VGLL4: variants seen among roughly 807,000 people sequenced by gnomAD.
VGLL4 encodes the protein transcription cofactor vestigial-like protein 4.
Under a neutral mutation model 21.0 loss-of-function variants are expected in VGLL4, and 7 were observed. The ratio of observed to expected loss-of-function variants is 0.33; its 90% CI spans 0.19 to 0.63. VGLL4 has a LOEUF of 0.63. Among genes scored for constraint, VGLL4 ranks in the 20% least tolerant of loss-of-function variants. VGLL4 has a pLI of 0.78. For synonymous variants in VGLL4, 222 were observed against 173.2 expected (o/e 1.28, Z -2.21); for missense variants, 394 against 425.7 (o/e 0.93, Z 0.66).
At chr3:11,585,914 A>ACC (rs1366133022) in intron 2 of VGLL4, among the ~76,000 whole-genome samples, 1 of 151,630 alleles carries the variant, frequency 6.6e-6, no homozygotes, top group Non-Finnish European at 1.5e-5. Flanking sequence ...TGGACAGGCG[A>ACC]CCCCCTGCCG....
chr3:11,578,555 C>G (rs1310208229), intron 2 of VGLL4, among the ~76,000 whole-genome samples: 1 of 150,732 alleles, frequency 6.6e-6, no homozygotes, highest in Non-Finnish European at 1.5e-5. Flanking sequence ...TGATTTTCCT[C>G]TTAAAGTTAC....
intron 1 of VGLL4, chr3:11,626,422 C>T: frequency 2.2e-6 from 1 of 456,834 alleles, no homozygotes; most frequent in Non-Finnish European, 4.4e-6. Context: ...CCTCTTATTA[C>T]TTCAAAGATA....
chr3:11,719,604 C>T lies in VGLL4; in HGVS notation c.-14+790G>A, dbSNP rs981550945. 2.6e-5 allele frequency: 4 copies of T among 152,124 alleles called. No homozygotes were observed. Among genetic ancestry groups the T allele is most frequent in the African/African-American group, 9.7e-5 (4 of 41,416 alleles). The allele number at this position is 152,124 out of a possible 1,614,324, so 9.4% of individuals were successfully genotyped here. A position where few individuals can be genotyped will look rare whatever the true frequency, so the allele number is the denominator to read the frequency against. ...ACGCACACGCACGCGCGGACCGGGCCGGCGGACGGGAGCGCGGGAGCGCGA... is the reference window on the plus strand; with the variant it reads ...ACGCACACGCACGCGCGGACCGGGCTGGCGGACGGGAGCGCGGGAGCGCGA... On this transcript the variant is annotated intron_variant, in intron 1 of 5. Transcript: ENST00000273038. This position sits in a 1 kb window ranked among gnomAD's most constrained non-coding sequence, Gnocchi z 4.0.
chr3:11,707,805 G>T (rs2076784037), intron 1 of VGLL4, among the ~76,000 whole-genome samples: 1 of 152,160 alleles, frequency 6.6e-6, no homozygotes, highest in Non-Finnish European at 1.5e-5. Flanking sequence ...GCTGCAGTGA[G>T]CTATGATCAC....
intron 2 of VGLL4, among the ~76,000 whole-genome samples, chr3:11,574,785 A>ATGTATGTGTGTGTGTGTGTG (rs1553723624): frequency 2.5e-5 from 3 of 121,696 alleles, no homozygotes; most frequent in African/African-American, 9.6e-5. Flanking sequence ...TCAACTATAT[A>ATGTATGTGTGTGTGTGTGTG]TGTGTGTGTG....
intron 2 of VGLL4, among the ~76,000 whole-genome samples, chr3:11,660,908 G>T (rs1326301801): frequency 6.6e-6 from 1 of 152,118 alleles, no homozygotes; most frequent in Non-Finnish European, 1.5e-5. Context: ...TTTCATTTCG[G>T]CCTTGTTTCC....
intron 3 of VGLL4, among the ~76,000 whole-genome samples, chr3:11,561,958 G>A (rs1380284360): frequency 1.4e-5 from 2 of 143,616 alleles, no homozygotes; most frequent in Non-Finnish European, 3.0e-5. Flanking sequence ...GGAGTGCAGT[G>A]ACGCGATCTT....
At chr3:11,679,428 T>C (rs1332576374) in intron 2 of VGLL4, among the ~76,000 whole-genome samples, 5 of 152,112 alleles carry the variant, frequency 3.3e-5, no homozygotes, top group Non-Finnish European at 7.3e-5. Flanking sequence ...CTCACGCCTG[T>C]AATTCCAGCA....
intron 2 of VGLL4, among the ~76,000 whole-genome samples, chr3:11,661,167 G>A (rs948741698): frequency 3.3e-5 from 5 of 152,206 alleles, no homozygotes; most frequent in South Asian, 2.1e-4. Context: ...TCTCTGAGGC[G>A]GCTGACTGCA....
intron 2 of VGLL4, among the ~76,000 whole-genome samples, chr3:11,593,901 A>C (rs2074568778): frequency 6.6e-6 from 1 of 152,198 alleles, no homozygotes; most frequent in Non-Finnish European, 1.5e-5. Flanking sequence ...TGTGGCAAAC[A>C]CAGCTGGATG....
chr3:11,563,898 C>T (rs990264013), intron 3 of VGLL4, among the ~76,000 whole-genome samples: 18 of 152,200 alleles, frequency 1.2e-4, no homozygotes, highest in Admixed American at 5.9e-4. Context: ...CTACCCCACC[C>T]ACAGTTTCAA....
chr3:11,558,871 C>T (rs1454034131), intron 4 of VGLL4, 44 bp from the exon 5 acceptor site: 4 of 1,598,308 alleles, frequency 2.5e-6, no homozygotes, highest in African/African-American at 1.3e-5. Context: ...CAGGTGGCTG[C>T]AGACAGACAG....
intron 2 of VGLL4, among the ~76,000 whole-genome samples, chr3:11,567,881 T>C (rs1214515317): frequency 1.3e-5 from 2 of 152,184 alleles, no homozygotes; most frequent in Admixed American, 1.3e-4. Context: ...CCACCCCAGG[T>C]GATGCTTCCA....
intron 1 of VGLL4, among the ~76,000 whole-genome samples, chr3:11,641,711 T>C (rs746455146): frequency 3.3e-5 from 5 of 152,186 alleles, no homozygotes; most frequent in African/African-American, 4.8e-5. Context: ...TTATCCCATA[T>C]AGCTACTCAA....
At chr3:11,621,833 G>A (rs12632336) in intron 1 of VGLL4, among the ~76,000 whole-genome samples, 19,285 of 152,134 alleles carry the variant, frequency 0.13, 1,632 homozygotes, top group South Asian at 0.22. Context: ...ACTTGTTATT[G>A]TCTTTTTTAT....
At chr3:11,693,569 C>T (rs2076562844) in intron 2 of VGLL4, among the ~76,000 whole-genome samples, 1 of 152,150 alleles carries the variant, frequency 6.6e-6, no homozygotes, top group Non-Finnish European at 1.5e-5. Context: ...AGTGGGATCT[C>T]GTTACCTGGG....
intron 1 of VGLL4, chr3:11,627,469 C>T (rs746269021): frequency 1.3e-5 from 2 of 151,850 alleles, no homozygotes; most frequent in Non-Finnish European, 2.9e-5. Context: ...GTGGCAGGCG[C>T]CTGTAATCCC....
chr3:11,616,346 G>A (rs1220486922), intron 1 of VGLL4, among the ~76,000 whole-genome samples: 2 of 152,162 alleles, frequency 1.3e-5, no homozygotes, highest in Non-Finnish European at 2.9e-5. Context: ...AGCATCCTGC[G>A]TTATGGCTCT....
rs914388719 is a variant in VGLL4, at chr3:11,696,020, T to C, written c.64+6951A>G. Among the ~76,000 whole-genome samples, 5 of 152,182 alleles carry C rather than the reference T, an allele frequency of 3.3e-5. No individual in the cohort carries two copies. In the East Asian group the frequency reaches 7.7e-4, roughly 23 times the overall value. On this transcript the variant is annotated intron_variant, in intron 2 of 5. Transcript: ENST00000273038. Reference sequence around the variant, plus strand: ...CAAAACCAGGAGTCCTCGAAATACATAGAGAAACAGACAGACATAGGCGAC... The same window carrying C: ...CAAAACCAGGAGTCCTCGAAATACACAGAGAAACAGACAGACATAGGCGAC...
Sources: gnomAD v4.1 joint callset for allele counts (sites outside exome capture counted in the v4.1 genomes callset) on GRCh38, gnomAD v4.1.1 for gene constraint, Gnocchi (gnomAD v3.1) non-coding constraint, MANE v1.5 for transcripts, NCBI Gene and HGNC (gene_info 2026-07-23, HGNC 2026-07-21) for gene names.